Variants in SLC2A2 observed in about 807,000 individuals in gnomAD.
SLC2A2 encodes solute carrier family 2 member 2, also known as solute carrier family 2, facilitated glucose transporter member 2.
In SLC2A2, 36 loss-of-function variants were observed where a neutral mutation model predicts 54.5. That is an observed-to-expected ratio of 0.66 (90% CI 0.51 to 0.87). SLC2A2 has a LOEUF of 0.87. SLC2A2 is among the 40% of genes least tolerant of loss of function. The pLI is 0.00. For missense variants in SLC2A2, 543 were observed against 624.3 expected (o/e 0.87, Z 1.39); for synonymous variants, 223 against 219.1 (o/e 1.02, Z -0.16).
At position 170,997,780 on chromosome 3, in the gene SLC2A2, T is replaced by G. The variant is rs1234105767; in HGVS notation, c.*123A>C. ...TGGTAATATTTGATGACATTTCTGATGAGAGCACATAAAAATAAAACAATA... is the reference window on the plus strand; with the variant it reads ...TGGTAATATTTGATGACATTTCTGAGGAGAGCACATAAAAATAAAACAATA... On this transcript the variant is annotated 3_prime_UTR_variant, in exon 11 of 11. Coordinates refer to ENST00000314251, the MANE Select transcript of SLC2A2 (RefSeq NM_000340.2). The G allele has an allele frequency of 6.1e-6, 5 of 818,192 alleles. No homozygotes were observed. The highest frequency in any genetic ancestry group is 8.1e-6 in the Non-Finnish European group (4 of 491,422). 50.7% of individuals were successfully genotyped at this position (818,192 alleles called of 1,614,324 possible).
rs1715089024 is a variant in SLC2A2 at position 170,996,607 on chromosome 3, TAA to T, written c.*1294_*1295del. On this transcript the variant is annotated 3_prime_UTR_variant, in exon 11 of 11. Coordinates refer to ENST00000314251, the MANE Select transcript of SLC2A2 (RefSeq NM_000340.2). ...CATCAGAACTATATTTCCATAATTG[TAA>T]AATTGACTGTAAGCTAAAGTCTGTT... is the stretch of plus-strand genomic sequence containing the variant. 5.0e-6 allele frequency: 2 copies of T among 398,038 alleles called. No individual in the cohort carries two copies. Among genetic ancestry groups the T allele is most frequent in the Non-Finnish European group, 8.9e-6 (2 of 225,628 alleles). 24.7% of individuals were successfully genotyped at this position (398,038 alleles called of 1,614,324 possible).
chr3:171,021,162 G>A (rs548540012), intron 1 of SLC2A2, among the ~76,000 whole-genome samples: 2 of 152,210 alleles, frequency 1.3e-5, no homozygotes, highest in African/African-American at 4.8e-5. Flanking sequence ...TTACTTAGTT[G>A]GTGGTTTCTC....
chr3:171,008,170 T>C (rs1715700149), intron 4 of SLC2A2, among the ~76,000 whole-genome samples: 1 of 152,126 alleles, frequency 6.6e-6, no homozygotes, highest in Admixed American at 6.6e-5. Flanking sequence ...GCCTATCAAA[T>C]TGAAATGGAT....
chr3:171,020,029 G>T (rs1387937944), intron 1 of SLC2A2, among the ~76,000 whole-genome samples: 1 of 152,176 alleles, frequency 6.6e-6, no homozygotes, highest in African/African-American at 2.4e-5. Context: ...GAACTTTGTT[G>T]TGTAAATGAA....
intron 3 of SLC2A2, among the ~76,000 whole-genome samples, chr3:171,012,151 C>T (rs1241166264): frequency 6.6e-6 from 1 of 152,142 alleles, no homozygotes; most frequent in Non-Finnish European, 1.5e-5. Flanking sequence ...AATGAGGCCA[C>T]ATTTGGTGTT....
At chr3:171,010,215 A>T in intron 3 of SLC2A2, 133 bp from the exon 4 acceptor site, 3 of 908,928 alleles carry the variant, frequency 3.3e-6, no homozygotes, top group East Asian at 5.1e-5. Flanking sequence ...CTAGTTGGGG[A>T]ATCTTGAACC....
intron 4 of SLC2A2, chr3:171,007,539 A>G: frequency 2.4e-6 from 1 of 420,926 alleles, no homozygotes; most frequent in Non-Finnish European, 4.4e-6. Context: ...AATTCATGTT[A>G]ATTTTTAGTT....
At chr3:171,008,117 T>A (rs1000688851) in intron 4 of SLC2A2, among the ~76,000 whole-genome samples, 1 of 152,138 alleles carries the variant, frequency 6.6e-6, no homozygotes. Context: ...TTCTTAACTA[T>A]TTAAAAATAG....
At chr3:171,020,070 A>T (rs1716379751) in intron 1 of SLC2A2, among the ~76,000 whole-genome samples, 1 of 152,034 alleles carries the variant, frequency 6.6e-6, no homozygotes, top group South Asian at 2.1e-4. Flanking sequence ...TCCAGTTCTC[A>T]CTCTCTTAGT....
Position 171,007,140 on chromosome 3 carries a change from GT to G in SLC2A2, c.612+7del. The G allele has an allele frequency of 1.9e-6, 3 of 1,560,538 alleles. No individual in the cohort carries two copies. Among genetic ancestry groups the G allele is most frequent in the Non-Finnish European group, 2.6e-6 (3 of 1,132,088 alleles). On this transcript the variant is annotated splice_region_variant and intron_variant, in intron 5 of 10. Transcript: ENST00000314251. ...GTGCAGTAGGGGATAAGGATGGGGA[GT>G]TTTTACCTGACTAATAAGAATGCCC...
At chr3:171,007,753 G>A (rs10513686) in intron 4 of SLC2A2, among the ~76,000 whole-genome samples, 31,509 of 151,862 alleles carry the variant, frequency 0.21, 4,447 homozygotes, top group African/African-American at 0.41. Context: ...TTTCCACAAC[G>A]TAGAGGGCCC....
intron 1 of SLC2A2, among the ~76,000 whole-genome samples, chr3:171,020,699 A>G (rs932582702): frequency 6.6e-6 from 1 of 151,946 alleles, no homozygotes; most frequent in African/African-American, 2.4e-5. Context: ...CCTGGGTAGC[A>G]TAGCAAGACC....
chr3:171,025,211 C>T (rs1219010285), intron 1 of SLC2A2, among the ~76,000 whole-genome samples: 1 of 151,680 alleles, frequency 6.6e-6, no homozygotes, highest in Non-Finnish European at 1.5e-5. Flanking sequence ...TCTTTAAATA[C>T]ATACTATATA....
intron 1 of SLC2A2, among the ~76,000 whole-genome samples, chr3:171,022,871 C>T (rs1182909828): frequency 1.3e-5 from 2 of 152,224 alleles, no homozygotes; most frequent in African/African-American, 4.8e-5. Context: ...ACTTTACATA[C>T]ACAGCCTAAG....
chr3:171,023,564 T>C (rs2108266819), intron 1 of SLC2A2, among the ~76,000 whole-genome samples: 1 of 152,316 alleles, frequency 6.6e-6, no homozygotes, highest in Non-Finnish European at 1.5e-5. Context: ...TCAACCTTCA[T>C]TCATCCACTC....
Position 171,005,269 on chromosome 3 carries a change from G to C in SLC2A2, c.963+16C>G. 4 of 1,607,592 alleles carry C rather than the reference G, an allele frequency of 2.5e-6. No homozygotes were observed. The highest frequency in any genetic ancestry group is 3.4e-6 in the Non-Finnish European group (4 of 1,174,456). Reference sequence around the variant, plus strand: ...TCACTGTGCTCTTAAGAGTTAGTGGGTGTTCTTAAACTTACGCCATTGATT... The same window carrying C: ...TCACTGTGCTCTTAAGAGTTAGTGGCTGTTCTTAAACTTACGCCATTGATT... On this transcript the variant is annotated intron_variant, in intron 7 of 10. Coordinates refer to ENST00000314251, the MANE Select transcript of SLC2A2 (RefSeq NM_000340.2).
chr3:171,023,155 C>T (rs1422490298), intron 1 of SLC2A2, among the ~76,000 whole-genome samples: 1 of 152,166 alleles, frequency 6.6e-6, no homozygotes, highest in African/African-American at 2.4e-5. Flanking sequence ...GGTCCTGCCA[C>T]CCCAGGGCCT....
At chr3:171,009,860 T>C (rs1433954701) in intron 4 of SLC2A2, 98 bp downstream of exon 4, 1 of 1,487,454 alleles carries the variant, frequency 6.7e-7, no homozygotes, top group African/African-American at 1.4e-5. Context: ...GACTCAAAAA[T>C]ATCCCTGAGT....
chr3:171,000,524 G>A (rs1440897918), intron 8 of SLC2A2, among the ~76,000 whole-genome samples: 1 of 152,072 alleles, frequency 6.6e-6, no homozygotes, highest in East Asian at 1.9e-4. Context: ...CAATTAGAAC[G>A]CTCATCTTTG....
Sources: allele counts gnomAD v4.1 joint callset (sites outside exome capture counted in the v4.1 genomes callset), GRCh38; gene constraint gnomAD v4.1.1; transcripts MANE v1.5; gene names NCBI Gene and HGNC (gene_info 2026-07-23, HGNC 2026-07-21).